Variants in TGIF2 observed in about 807,000 individuals in gnomAD.
TGIF2 encodes the protein TGFB induced factor homeobox 2.
Under a neutral mutation model 15.1 loss-of-function variants are expected in TGIF2, and 5 were observed. The ratio of observed to expected loss-of-function variants is 0.33; its 90% CI spans 0.17 to 0.70. TGIF2 has a LOEUF of 0.70. Ranked by LOEUF, TGIF2 falls within the 30% of genes least tolerant of loss-of-function variation. TGIF2 has a pLI of 0.67. For missense variants in TGIF2, 264 were observed against 302.5 expected, an observed-to-expected ratio of 0.87 and a Z score of 0.94; for synonymous variants, 131 against 128.9, an observed-to-expected ratio of 1.02 and a Z score of -0.11.
chr20:36,586,490 T>A (rs1474996977), intron 2 of TGIF2, among the ~76,000 whole-genome samples: 1 of 151,936 alleles, frequency 6.6e-6, no homozygotes, highest in Non-Finnish European at 1.5e-5. Flanking sequence ...AGGTCAGGAG[T>A]TTGAGACCAG....
rs1301097015 is a variant in TGIF2, at chr20:36,592,301, A to T, written c.*870A>T. 6.6e-6 allele frequency: 1 copy of T among 152,198 alleles called. No homozygotes were observed. Among genetic ancestry groups the T allele is most frequent in the East Asian group, 1.9e-4 (1 of 5,202 alleles). 9.4% of individuals were successfully genotyped at this position (152,198 alleles called of 1,614,324 possible). On this transcript the variant is annotated 3_prime_UTR_variant, in exon 3 of 3. Transcript: ENST00000373872. Reference sequence around the variant, plus strand: ...TAGGCACCTAGCAGAGAAAGATAAGATCAAAAGGTGTTTGGTTTTTCTTTT... The same window carrying T: ...TAGGCACCTAGCAGAGAAAGATAAGTTCAAAAGGTGTTTGGTTTTTCTTTT...
At chr20:36,575,930 TAAA>T (rs113595117) in intron 1 of TGIF2, among the ~76,000 whole-genome samples, 1 of 142,406 alleles carries the variant, frequency 7.0e-6, no homozygotes, top group Non-Finnish European at 1.5e-5. Flanking sequence ...CTGTCTCTAC[TAAA>T]AAAAAAAAAA....
intron 1 of TGIF2, among the ~76,000 whole-genome samples, chr20:36,574,198 GGGGGGGCCCT>G (rs927242896): frequency 3.3e-5 from 5 of 151,818 alleles, no homozygotes; most frequent in Admixed American, 2.6e-4. Flanking sequence ...GGCCCGGAGC[GGGGGGGCCCT>G]GGGGAGCCCG....
At chr20:36,580,052 T>A (rs1371990892) in intron 2 of TGIF2, among the ~76,000 whole-genome samples, 1 of 152,130 alleles carries the variant, frequency 6.6e-6, no homozygotes, top group African/African-American at 2.4e-5. Context: ...CTTAGCCTAA[T>A]ACAAGAGGCC....
At chr20:36,589,686 C>T (rs528891602) in intron 2 of TGIF2, among the ~76,000 whole-genome samples, 48 of 151,946 alleles carry the variant, frequency 3.2e-4, no homozygotes, top group African/African-American at 9.6e-4. Context: ...CCACCACGCT[C>T]GACCGACTTT....
chr20:36,578,982 G>A lies in TGIF2; in HGVS notation c.192+16G>A. 1 of 1,608,902 alleles carries A rather than the reference G, an allele frequency of 6.2e-7. No homozygotes were observed. Among genetic ancestry groups the A allele is most frequent in the Non-Finnish European group, 8.5e-7 (1 of 1,176,628 alleles). ...AGTGCTGCAAGTAAGGAGGGGATCT[G>A]GATAAGGGGGTGGCAGGAGGACCTG... On this transcript the variant is annotated intron_variant, in intron 2 of 2. Transcript: ENST00000373872.
intron 2 of TGIF2, among the ~76,000 whole-genome samples, chr20:36,586,777 C>T (rs1014938810): frequency 1.4e-5 from 2 of 148,058 alleles, no homozygotes; most frequent in Non-Finnish European, 3.0e-5. Flanking sequence ...ATGGTAGTCT[C>T]AGTGTGAATG....
chr20:36,593,004 A>T lies in TGIF2; in HGVS notation c.*1573A>T, dbSNP rs1416202812. On this transcript the variant is annotated 3_prime_UTR_variant, in exon 3 of 3. Transcript: ENST00000373872. ...TGGCTTTTAGTAGAGACGGGGTTTC[A>T]CCATCTTGGCCAGGCTGGTCTTGGA... 6.6e-6 allele frequency: 1 copy of T among 152,494 alleles called. No homozygotes were observed. The highest frequency in any genetic ancestry group is 2.4e-5 in the African/African-American group (1 of 41,422). 9.4% of individuals were successfully genotyped at this position (152,494 alleles called of 1,614,324 possible).
chr20:36,583,549 T>C (rs984052959), intron 2 of TGIF2, among the ~76,000 whole-genome samples: 2 of 151,232 alleles, frequency 1.3e-5, no homozygotes, highest in African/African-American at 4.9e-5. Context: ...TTACCTGAGG[T>C]AAGGAGTTGG....
intron 2 of TGIF2, among the ~76,000 whole-genome samples, chr20:36,587,283 G>A (rs2038679411): frequency 1.3e-5 from 2 of 152,306 alleles, no homozygotes; most frequent in South Asian, 4.1e-4. Flanking sequence ...ACAGTCTTGT[G>A]GGGGAGTGTG....
chr20:36,578,547 A>G (rs1185660897), intron 1 of TGIF2, among the ~76,000 whole-genome samples, 194 bp from the exon 2 acceptor site: 1 of 152,154 alleles, frequency 6.6e-6, no homozygotes, highest in Non-Finnish European at 1.5e-5. Context: ...GTAGTCACCT[A>G]CCTGTTCCAT....
At chr20:36,590,413 C>T (rs1216777017) in intron 2 of TGIF2, among the ~76,000 whole-genome samples, 2 of 152,144 alleles carry the variant, frequency 1.3e-5, no homozygotes, top group East Asian at 3.8e-4. Context: ...GCCACCATGC[C>T]CAGCTAATTT....
Position 36,590,971 on chromosome 20 carries a change from G to A in TGIF2, c.254G>A (p.Gly85Asp). ...CTCCCAGACATGCTTCGGAAGGATG[G>A]CAAAGACCCTAATCAGTTTACCATT... ...RLLPDMLRKD[G>D]KDPNQFTISR... Residue 85 changes from glycine to aspartate, a missense_variant, in exon 3 of 3, where the codon GGC (glycine) becomes GAC (aspartate). Gly to Asp is a moderately conservative substitution (Grantham distance 94). Coordinates refer to ENST00000373872, the MANE Select transcript of TGIF2 (RefSeq NM_021809.7). 1 of 1,546,214 alleles carries A rather than the reference G, an allele frequency of 6.5e-7. No homozygotes were observed. Among genetic ancestry groups the A allele is most frequent in the Non-Finnish European group, 8.7e-7 (1 of 1,143,094 alleles).
Position 36,587,386 on chromosome 20 carries a change from A to G in TGIF2, c.193-3524A>G, listed in dbSNP as rs186344303. Among the ~76,000 whole-genome samples the G allele has an allele frequency of 8.0e-4, 122 of 152,198 alleles. 1 individual carries two copies. Among genetic ancestry groups the G allele is most frequent in the African/African-American group, 2.9e-3 (120 of 41,544 alleles). On this transcript the variant is annotated intron_variant, in intron 2 of 2. Transcript: ENST00000373872. ...CACACAGATGCTGAGAAATGCCCAGACTGCCCTCCATGAGGCTGCCTGCTC... is the reference window on the plus strand; with the variant it reads ...CACACAGATGCTGAGAAATGCCCAGGCTGCCCTCCATGAGGCTGCCTGCTC...
At chr20:36,586,975 A>G (rs79934671) in intron 2 of TGIF2, among the ~76,000 whole-genome samples, 3,776 of 152,282 alleles carry the variant, frequency 0.025, 160 homozygotes, top group African/African-American at 0.086. Flanking sequence ...CCTCTCAGAT[A>G]GAGCCCTGTT....
chr20:36,578,626 T>C, intron 1 of TGIF2, 115 bp from the exon 2 acceptor site: 1 of 1,190,536 alleles, frequency 8.4e-7, no homozygotes, highest in Non-Finnish European at 1.1e-6. Flanking sequence ...AGATTCTGAA[T>C]TGCAACTACC....
chr20:36,589,945 T>G (rs965442803), intron 2 of TGIF2, among the ~76,000 whole-genome samples: 1 of 152,016 alleles, frequency 6.6e-6, no homozygotes, highest in African/African-American at 2.4e-5. Context: ...CACCTTGGCC[T>G]CCTAAAGTAC....
intron 2 of TGIF2, among the ~76,000 whole-genome samples, chr20:36,582,007 G>T (rs950414997): frequency 6.6e-6 from 1 of 152,060 alleles, no homozygotes; most frequent in African/African-American, 2.4e-5. Flanking sequence ...AGGCCGATGC[G>T]GGCGGATCAC....
rs1358193357 is a variant in TGIF2 at position 36,591,847 on chromosome 20, T to C, written c.*416T>C. 6.2e-6 allele frequency: 1 copy of C among 161,058 alleles called. No individual in the cohort carries two copies. Among genetic ancestry groups the C allele is most frequent in the Non-Finnish European group, 1.4e-5 (1 of 73,852 alleles). 10.0% of individuals were successfully genotyped at this position (161,058 alleles called of 1,614,324 possible). On this transcript the variant is annotated 3_prime_UTR_variant, in exon 3 of 3. Coordinates refer to ENST00000373872, the MANE Select transcript of TGIF2 (RefSeq NM_021809.7). The surrounding 1 kb of genome is among the most constrained non-coding windows in gnomAD (Gnocchi z 5.3). ...CAGGTGTGGACATTCCAAGTTCATATGCGTGAACAAAAGAAAAGAGGAACC... is the reference window on the plus strand; with the variant it reads ...CAGGTGTGGACATTCCAAGTTCATACGCGTGAACAAAAGAAAAGAGGAACC...
Sources: allele counts gnomAD v4.1 joint callset (sites outside exome capture counted in the v4.1 genomes callset), GRCh38; gene constraint gnomAD v4.1.1; non-coding constraint Gnocchi (gnomAD v3.1); transcripts MANE v1.5; gene names NCBI Gene and HGNC (gene_info 2026-07-23, HGNC 2026-07-21).